Variants in ADAMTSL1 observed in about 807,000 individuals in gnomAD.
ADAMTSL1 encodes the protein ADAMTS like 1, also known as ADAMTS-like protein 1.
ADAMTSL1 carries 126 observed loss-of-function variants against 201.8 expected under a neutral mutation model. The observed-to-expected ratio is 0.62, with a 90% CI of 0.54 to 0.72. The LOEUF is 0.72. Among genes scored for constraint, ADAMTSL1 ranks in the 30% least tolerant of loss-of-function variants. The pLI, the probability that ADAMTSL1 is intolerant of heterozygous loss-of-function variation, is 0.00. For missense variants in ADAMTSL1, 2,679 were observed against 2,277.8 expected (o/e 1.18, Z -3.59); for synonymous variants, 1,121 against 903.4 (o/e 1.24, Z -4.32).
intron 1 of ADAMTSL1, among the ~76,000 whole-genome samples, chr9:17,919,300 C>A (rs1826217916): frequency 6.6e-6 from 1 of 151,272 alleles, no homozygotes; most frequent in Non-Finnish European, 1.5e-5. Flanking sequence ...AATTCACAAA[C>A]AGTACAATTT....
At chr9:18,907,051 A>AC in intron 28 of ADAMTSL1, 139 bp downstream of exon 28, 5 of 898,982 alleles carry the variant, frequency 5.6e-6, no homozygotes, top group Non-Finnish European at 8.5e-6. Flanking sequence ...GGAGTTGAGC[A>AC]TTTCAGTGGG....
Position 18,455,225 on chromosome 9 carries a change from T to G in ADAMTSL1, c.208-49604T>G, listed in dbSNP as rs1472573159. 2.6e-5 allele frequency among the ~76,000 whole-genome samples: 4 copies of G among 152,240 alleles called. No individual in the cohort carries two copies. The East Asian group carries it at 7.7e-4, about 29-fold the overall frequency. On this transcript the variant is annotated intron_variant, in intron 2 of 29. Transcript: ENST00000680146. ...TTAGTAACATTATGATTTCTTTCAG[T>G]ATTTTACTGCTTGCTTATAAATACA...
chr9:18,497,180 C>T (rs1318075542), intron 1 of ADAMTSL1, among the ~76,000 whole-genome samples: 2 of 152,184 alleles, frequency 1.3e-5, no homozygotes, highest in South Asian at 2.1e-4. Flanking sequence ...AAATGGCTAA[C>T]GTTTCACACC....
chr9:18,423,615 T>C (rs1466551346), intron 2 of ADAMTSL1, among the ~76,000 whole-genome samples: 18 of 152,136 alleles, frequency 1.2e-4, no homozygotes, highest in Non-Finnish European at 2.5e-4. Context: ...ACTAGCGAGG[T>C]AAGAAACATA....
At chr9:18,878,220 G>A (rs774003582) in intron 23 of ADAMTSL1, among the ~76,000 whole-genome samples, 11 of 152,276 alleles carry the variant, frequency 7.2e-5, no homozygotes, top group South Asian at 2.1e-4. Context: ...AGCAAGCAGC[G>A]CTTTCAGGTT....
chr9:18,674,061 T>C (rs1829987810), intron 9 of ADAMTSL1, among the ~76,000 whole-genome samples: 1 of 100,108 alleles, frequency 1.0e-5, no homozygotes, highest in South Asian at 3.6e-4. Flanking sequence ...AAAAATGGGA[T>C]GGTTCACTCA....
intron 1 of ADAMTSL1, among the ~76,000 whole-genome samples, chr9:17,927,393 T>G (rs7863138): frequency 0.1 from 15,260 of 152,100 alleles, 835 homozygotes; most frequent in South Asian, 0.22. Context: ...CACATATACG[T>G]ACATATATAC....
chr9:18,486,324 T>G (rs1821992142), intron 1 of ADAMTSL1, among the ~76,000 whole-genome samples: 1 of 152,138 alleles, frequency 6.6e-6, no homozygotes. Flanking sequence ...CAGGCCCAAG[T>G]TTTCTGAAGA....
At chr9:18,277,468 C>T (rs546461773) in intron 2 of ADAMTSL1, among the ~76,000 whole-genome samples, 3 of 152,224 alleles carry the variant, frequency 2.0e-5, no homozygotes, top group East Asian at 3.9e-4. Context: ...CTACTGGGAA[C>T]ATATATTTAT....
At chr9:18,561,319 A>T (rs910412346) in intron 3 of ADAMTSL1, among the ~76,000 whole-genome samples, 1 of 152,156 alleles carries the variant, frequency 6.6e-6, no homozygotes, top group African/African-American at 2.4e-5. Flanking sequence ...CAGGCTGTTC[A>T]GTTTCCATGT....
At chr9:18,664,301 C>A (rs374878827) in intron 9 of ADAMTSL1, among the ~76,000 whole-genome samples, 1 of 152,052 alleles carries the variant, frequency 6.6e-6, no homozygotes, top group African/African-American at 2.4e-5. Flanking sequence ...GAAGTGATGA[C>A]CTAAGAAAAT....
intron 3 of ADAMTSL1, among the ~76,000 whole-genome samples, chr9:18,538,605 C>T (rs756910839): frequency 6.6e-6 from 1 of 152,056 alleles, no homozygotes; most frequent in Non-Finnish European, 1.5e-5. Context: ...AAAGTAGAGT[C>T]AGAGCAAAGA....
Position 18,777,657 on chromosome 9 carries a change from G to T in ADAMTSL1, c.3428G>T (p.Ser1143Ile). ...CATAAACACGTGTCTGGCTTCAGCAGCTCCCTGCGGACCTCCTCCACCGGG... is the reference window on the plus strand; with the variant it reads ...CATAAACACGTGTCTGGCTTCAGCATCTCCCTGCGGACCTCCTCCACCGGG... ...SPHKHVSGFS[S>I]SLRTSSTGDA... Residue 1143 changes from serine (S) to isoleucine (I), a missense_variant, in exon 19 of 29, where the codon AGC becomes ATC. Ser to Ile is a moderately radical substitution (Grantham distance 142). Transcript: ENST00000380548. 1 of 1,613,618 alleles carries T rather than the reference G, an allele frequency of 6.2e-7. No individual in the cohort carries two copies. Among genetic ancestry groups the T allele is most frequent in the Non-Finnish European group, 8.5e-7 (1 of 1,179,848 alleles).
chr9:18,069,287 T>A (rs10738495), intron 1 of ADAMTSL1, among the ~76,000 whole-genome samples: 73,202 of 152,022 alleles, frequency 0.48, 17,950 homozygotes, highest in Non-Finnish European at 0.54. Context: ...AATATACAAC[T>A]TATTCCACCT....
chr9:18,540,345 A>G (rs1820052564), intron 3 of ADAMTSL1, among the ~76,000 whole-genome samples: 2 of 152,234 alleles, frequency 1.3e-5, no homozygotes, highest in South Asian at 4.1e-4. Flanking sequence ...CAAAAGGCCG[A>G]GAAGCGATAG....
chr9:18,514,081 T>A (rs1818207697), intron 2 of ADAMTSL1, among the ~76,000 whole-genome samples: 2 of 152,192 alleles, frequency 1.3e-5, no homozygotes, highest in Admixed American at 6.5e-5. Context: ...TCACATTGGG[T>A]AACATGGACA....
intron 13 of ADAMTSL1, 96 bp from the exon 14 acceptor site, chr9:18,706,651 G>A (rs74754832): frequency 0.024 from 30,824 of 1,283,170 alleles, 1,097 homozygotes; most frequent in African/African-American, 0.15. Context: ...GACAGCTCTG[G>A]GCACTGGAGG....
chr9:18,260,572 G>A (rs1033192266), intron 2 of ADAMTSL1, among the ~76,000 whole-genome samples: 1 of 152,166 alleles, frequency 6.6e-6, no homozygotes, highest in Non-Finnish European at 1.5e-5. Flanking sequence ...CCCAACCTGA[G>A]GAGAAAGAAA....
intron 1 of ADAMTSL1, among the ~76,000 whole-genome samples, chr9:18,044,162 G>T (rs1417598916): frequency 1.3e-5 from 2 of 151,636 alleles, no homozygotes; most frequent in African/African-American, 4.9e-5. Flanking sequence ...CTTTGATCTA[G>T]TTTGGTCAGA....
Sources: allele counts gnomAD v4.1 joint callset (sites outside exome capture counted in the v4.1 genomes callset), GRCh38; gene constraint gnomAD v4.1.1; transcripts MANE v1.5; gene names NCBI Gene and HGNC (gene_info 2026-07-23, HGNC 2026-07-21).